BCOR: variants seen among roughly 807,000 people sequenced by gnomAD.
The protein encoded by BCOR is BCL6 corepressor, also known as BCL-6 corepressor.
BCOR carries 10 observed loss-of-function variants against 86.7 expected under a neutral mutation model. The ratio of observed to expected loss-of-function variants is 0.12; its 90% CI spans 0.07 to 0.20. BCOR has a LOEUF of 0.20. Among genes scored for constraint, BCOR ranks in the 10% least tolerant of loss-of-function variants. BCOR has a pLI of 1.00. For missense variants in BCOR, 1,259 were observed against 1,452.1 expected, an observed-to-expected ratio of 0.87 and a Z score of 2.16; for synonymous variants, 611 against 609.0, an observed-to-expected ratio of 1.00 and a Z score of -0.05.
chrX:40,104,957 C>T (rs548028665), intron 1 of BCOR, among the ~76,000 whole-genome samples: 2 of 108,997 alleles, frequency 1.8e-5, no homozygotes, highest in East Asian at 6.5e-4. Flanking sequence ...CAGCGAGCTG[C>T]GGGCGGAGGT....
At chrX:40,102,568 C>T (rs1937092567), upstream of BCOR, among the ~76,000 whole-genome samples, 1 of 113,969 alleles carries the variant, frequency 8.8e-6, no homozygotes, top group Non-Finnish European at 1.9e-5. Context: ...CGGCTGGGGG[C>T]AGTGAGTGGG....
chrX:40,153,601 C>T (rs755928806), intron 1 of BCOR, among the ~76,000 whole-genome samples: 2 of 111,583 alleles, frequency 1.8e-5, no homozygotes, highest in Non-Finnish European at 3.8e-5. Context: ...AGACTAAGAG[C>T]GAGGGTTTTC....
chrX:40,077,094 CAG>C (rs1935844826), intron 2 of BCOR: 1 of 249,003 alleles, frequency 4.0e-6, no homozygotes, highest in African/African-American at 2.9e-5. Context: ...GTCAAAATGA[CAG>C]GGGGATACAC....
intron 2 of BCOR, 89 bp downstream of exon 2, chrX:40,077,755 T>G: frequency 1.1e-6 from 1 of 879,972 alleles, no homozygotes; most frequent in Non-Finnish European, 1.7e-6. Context: ...TCCCACCCCT[T>G]TTGGGCCCAC....
At chrX:40,141,254 G>A (rs979022211) in intron 1 of BCOR, among the ~76,000 whole-genome samples, 1 of 112,986 alleles carries the variant, frequency 8.9e-6, no homozygotes, top group South Asian at 3.6e-4. Flanking sequence ...GACTGAACTT[G>A]AGCCAGCCCT....
intron 6 of BCOR, among the ~76,000 whole-genome samples, chrX:40,068,845 G>GT (rs1027875296): frequency 1.8e-5 from 2 of 112,892 alleles, no homozygotes; most frequent in Admixed American, 1.9e-4. Flanking sequence ...AGTTAATTCA[G>GT]TTTTTTTAAA....
chrX:40,074,505 GGAC>G lies in BCOR; in HGVS notation c.838_840del (p.Val280del), dbSNP rs1280135966. 1.7e-6 allele frequency: 2 copies of G among 1,206,907 alleles called. No individual in the cohort carries two copies. Among genetic ancestry groups the G allele is most frequent in the South Asian group, 3.6e-5 (2 of 56,230 alleles). On this transcript the variant is annotated inframe_deletion, in exon 4 of 15. Transcript: ENST00000378444. ...CACGGGAGGCTTTTGTCTGCGCAAT[GGAC>G]GAGAGGCGGGATGGCTGGGGAGGCC...
chrX:40,174,516 G>C, intron 1 of BCOR, among the ~76,000 whole-genome samples: 1 of 112,710 alleles, frequency 8.9e-6, no homozygotes, highest in Non-Finnish European at 1.9e-5. Flanking sequence ...CCCCCTCCCC[G>C]TACCCAGCAG....
In BCOR at chrX:40,077,836, G is replaced by C. The variant is rs753791832; in HGVS notation, c.86+8C>G. ...CCACTCAGGCCCGGCCCAGATGGGC[G>C]CATTCACCTGTCTTCGCTCGCCCCA... is the stretch of plus-strand genomic sequence containing the variant. On this transcript the variant is annotated splice_region_variant and intron_variant, in intron 2 of 14. Transcript: ENST00000378444. The C allele has an allele frequency of 1.6e-5, 19 of 1,206,685 alleles. No homozygotes were observed. The highest frequency in any genetic ancestry group is 2.2e-5 in the Admixed American group (1 of 45,943).
chrX:40,170,985 A>G (rs977937138), intron 1 of BCOR, among the ~76,000 whole-genome samples: 13 of 111,339 alleles, frequency 1.2e-4, no homozygotes, highest in Non-Finnish European at 2.1e-4. Flanking sequence ...GTCCTCAGAA[A>G]CCCATCCGAG....
chrX:40,108,210 C>T (rs1442611254), intron 1 of BCOR, among the ~76,000 whole-genome samples: 3 of 112,209 alleles, frequency 2.7e-5, no homozygotes, highest in African/African-American at 6.5e-5. Flanking sequence ...TCCCTTCGCC[C>T]GGGCCCGGCT....
At chrX:40,112,055 C>T (rs1170326976) in intron 1 of BCOR, among the ~76,000 whole-genome samples, 1 of 110,583 alleles carries the variant, frequency 9.0e-6, no homozygotes. Context: ...GGTGGGGGGG[C>T]GGCGTTGTTT....
intron 1 of BCOR, among the ~76,000 whole-genome samples, chrX:40,152,962 C>A (rs908545842): frequency 2.7e-5 from 3 of 112,654 alleles, no homozygotes; most frequent in African/African-American, 3.2e-5. Context: ...GGGGTGAAAC[C>A]GCTCAGGGTG....
upstream of BCOR, among the ~76,000 whole-genome samples, chrX:40,101,826 T>A (rs1045771409): frequency 8.9e-6 from 1 of 112,728 alleles, no homozygotes; most frequent in African/African-American, 3.2e-5. Context: ...CGGAGGCTGT[T>A]CTCAGGGCGA....
intron 1 of BCOR, among the ~76,000 whole-genome samples, chrX:40,154,276 G>A (rs1247996705): frequency 1.4e-5 from 1 of 71,632 alleles, no homozygotes; most frequent in Non-Finnish European, 2.5e-5. Context: ...CCCAGGAACC[G>A]GGAAGAGAAA....
At chrX:40,144,261 G>A (rs955275547) in intron 1 of BCOR, among the ~76,000 whole-genome samples, 5 of 112,279 alleles carry the variant, frequency 4.5e-5, no homozygotes, top group African/African-American at 1.6e-4. Flanking sequence ...TAAGACATTA[G>A]ACTTTCAGTA....
chrX:40,065,595 C>A (rs181934410), intron 6 of BCOR, among the ~76,000 whole-genome samples: 1 of 112,706 alleles, frequency 8.9e-6, no homozygotes, highest in Admixed American at 9.3e-5. Context: ...CCCAACATCA[C>A]TTCCTATTTT....
intron 1 of BCOR, among the ~76,000 whole-genome samples, chrX:40,095,594 G>A (rs1277102129): frequency 8.9e-6 from 1 of 112,125 alleles, no homozygotes; most frequent in African/African-American, 3.2e-5. Flanking sequence ...GAAAAAAGGG[G>A]GGGAAAACAC....
chrX:40,142,626 G>A (rs1041609417), intron 1 of BCOR, among the ~76,000 whole-genome samples: 9 of 111,910 alleles, frequency 8.0e-5, no homozygotes, highest in African/African-American at 2.6e-4. Context: ...CAATAACTCC[G>A]ATGCCACAAG....
Sources: gnomAD v4.1 joint callset for allele counts (sites outside exome capture counted in the v4.1 genomes callset) on GRCh38, gnomAD v4.1.1 for gene constraint, MANE v1.5 for transcripts, NCBI Gene and HGNC (gene_info 2026-07-23, HGNC 2026-07-21) for gene names.